The following ONECUT1 variants were observed in gnomAD, a reference collection of about 807,000 sequenced individuals.
The protein encoded by ONECUT1 is one cut homeobox 1.
A neutral mutation model predicts 25.6 loss-of-function variants in ONECUT1; 12 were observed. The observed-to-expected ratio is 0.47, with a 90% CI of 0.30 to 0.76. The LOEUF (loss-of-function observed/expected upper bound fraction) is 0.76. ONECUT1 is among the 30% of genes least tolerant of loss of function. The pLI is 0.07. For missense variants in ONECUT1, 620 were observed against 651.2 expected (o/e 0.95, Z 0.52); for synonymous variants, 285 against 270.2 (o/e 1.05, Z -0.54).
rs550465203 is a variant in ONECUT1, at chr15:52,789,215, C to T, written c.670G>A (p.Ala224Thr). 1.3e-6 allele frequency: 2 copies of T among 1,561,882 alleles called. No homozygotes were observed. The highest frequency in any genetic ancestry group is 2.3e-5 in the East Asian group (1 of 44,346). The change falls in exon 1 of 2, where the codon GCC (alanine) becomes ACC (threonine). Residue 224 changes from alanine (A) to threonine (T), a missense_variant. Physicochemically the swap from Ala to Thr is moderately conservative, Grantham distance 58. Around this residue, in one of 4 missense-constraint regions of ONECUT1, gnomAD observed 440 missense variants for 404.9 expected, o/e 1.09. Coordinates refer to ENST00000305901, the MANE Select transcript of ONECUT1 (RefSeq NM_004498.4). The surrounding 1 kb of genome is among the most constrained non-coding windows in gnomAD (Gnocchi z 4.1). ...TGCTCCCCGTGGCGGCCGAGCATGG[C>T]CGGGTGGTGGGCTTCGAAGCCGTTG... ...TPNGFEAHHPAMLGRHGEQHL... is the reference protein window; with the variant it reads ...TPNGFEAHHPTMLGRHGEQHL...
intron 1 of ONECUT1, among the ~76,000 whole-genome samples, chr15:52,787,539 T>A (rs150132346): frequency 4.0e-5 from 6 of 151,388 alleles, no homozygotes; most frequent in Non-Finnish European, 8.8e-5. Flanking sequence ...TGGAGAACGA[T>A]CAGTTAATTA....
rs544165440 is a variant in ONECUT1 at position 52,756,929 on chromosome 15, C to G, written c.*626G>C. 2.6e-5 allele frequency: 4 copies of G among 152,168 alleles called. No individual in the cohort carries two copies. In the South Asian group the frequency reaches 8.3e-4, roughly 32 times the overall value. The allele number at this position is 152,168 out of a possible 1,614,324, so 9.4% of individuals were successfully genotyped here. ...ATTTCTTAAAAAATATCTGAACATT[C>G]CTTAACAAACAAAGAGAATGCACTG... On this transcript the variant is annotated 3_prime_UTR_variant, in exon 2 of 2. Coordinates refer to ENST00000305901, the MANE Select transcript of ONECUT1 (RefSeq NM_004498.4).
At position 52,784,666 on chromosome 15, in the gene ONECUT1, G is replaced by A. The variant is rs1311651288; in HGVS notation, c.1105+4114C>T. Among the ~76,000 whole-genome samples the A allele has an allele frequency of 6.6e-6, 1 of 152,250 alleles. No individual in the cohort carries two copies. The highest frequency in any genetic ancestry group is 6.5e-5 in the Admixed American group (1 of 15,294). On this transcript the variant is annotated intron_variant, in intron 1 of 1. Coordinates refer to ENST00000305901, the MANE Select transcript of ONECUT1 (RefSeq NM_004498.4). This position sits in a 1 kb window ranked among gnomAD's most constrained non-coding sequence, Gnocchi z 5.0. ...ATGGTCCTACACCCTCGAGGGGACA[G>A]ACACCGGCCGTGAGACAGGCACCAC...
At position 52,784,098 on chromosome 15, in the gene ONECUT1, C is replaced by CGCCGCA. The variant is rs2141463233; in HGVS notation, c.1105+4676_1105+4681dup. Among the ~76,000 whole-genome samples, 1 of 152,318 alleles carries CGCCGCA rather than the reference C, an allele frequency of 6.6e-6. No individual in the cohort carries two copies. The highest frequency in any genetic ancestry group is 1.9e-4 in the East Asian group (1 of 5,186). Reference sequence around the variant, plus strand: ...GCCCCGACGGCCCGCAGGGGGCGCGCGCCGCAGCCGCAGCACAGCCCGGCT... The same window carrying CGCCGCA: ...GCCCCGACGGCCCGCAGGGGGCGCGCGCCGCAGCCGCAGCCGCAGCACAGCCCGGCT... On this transcript the variant is annotated intron_variant, in intron 1 of 1. Transcript: ENST00000305901. The surrounding 1 kb of genome is among the most constrained non-coding windows in gnomAD (Gnocchi z 5.0).
At position 52,789,827 on chromosome 15, in the gene ONECUT1, G is replaced by C. The variant is rs778655796; in HGVS notation, c.58C>G (p.Pro20Ala). ...IGELHGVSHE[P>A]VPAPADLLGG... ...AGCAGGTCGGCAGGGGCGGGCACCG[G>C]CTCATGGCTCACCCCGTGCAGCTCG... The change falls in exon 1 of 2, where the codon CCG becomes GCG. Residue 20 changes from proline (P) to alanine (A), a missense_variant. Around this residue, in one of 4 missense-constraint regions of ONECUT1, gnomAD observed 440 missense variants for 404.9 expected, o/e 1.09. Transcript: ENST00000305901. The surrounding 1 kb of genome is among the most constrained non-coding windows in gnomAD (Gnocchi z 4.1). 1.9e-5 allele frequency: 30 copies of C among 1,539,368 alleles called. No individual in the cohort carries two copies. In the African/African-American group the frequency reaches 4.1e-4, roughly 21 times the overall value.
At chr15:52,783,731 C>G (rs946073853) in intron 1 of ONECUT1, among the ~76,000 whole-genome samples, 6 of 152,260 alleles carry the variant, frequency 3.9e-5, no homozygotes, top group African/African-American at 1.4e-4. Flanking sequence ...GCCAGGGTCA[C>G]CTTCTCTACG....
intron 1 of ONECUT1, among the ~76,000 whole-genome samples, chr15:52,767,767 A>T (rs2083743346): frequency 6.6e-6 from 1 of 152,260 alleles, no homozygotes; most frequent in South Asian, 2.1e-4. Context: ...TATTCACAAT[A>T]GGCAAGATGT....
At chr15:52,785,187 G>T (rs1051343679) in intron 1 of ONECUT1, among the ~76,000 whole-genome samples, 6 of 152,252 alleles carry the variant, frequency 3.9e-5, no homozygotes, top group Admixed American at 1.3e-4. Context: ...AGAAAAGCAG[G>T]GGGACATTTG....
intron 1 of ONECUT1, among the ~76,000 whole-genome samples, chr15:52,759,027 G>A (rs1459477728): frequency 6.6e-6 from 1 of 152,186 alleles, no homozygotes; most frequent in Non-Finnish European, 1.5e-5. Context: ...CAATCAGATT[G>A]CTGCCTCTTA....
chr15:52,789,457 C>T lies in ONECUT1; in HGVS notation c.428G>A (p.Gly143Asp). ...HHPHHHQRLA[G>D]NVSGSFTLMR... The stretch of plus-strand genomic sequence containing the variant: ...GAGCGTGAAGCTACCGCTCACGTTG[C>T]CCGCCAGGCGCTGGTGGTGGTGCGG... Residue 143 changes from glycine to aspartate, a missense_variant, in exon 1 of 2, where the codon GGC (glycine) becomes GAC (aspartate). Gly to Asp is a moderately conservative substitution (Grantham distance 94). Transcript: ENST00000305901. This position sits in a 1 kb window ranked among gnomAD's most constrained non-coding sequence, Gnocchi z 4.1. 2 of 1,613,674 alleles carry T rather than the reference C, an allele frequency of 1.2e-6. No individual in the cohort carries two copies. Among genetic ancestry groups the T allele is most frequent in the South Asian group, 1.1e-5 (1 of 91,064 alleles).
Position 52,784,254 on chromosome 15 carries a change from G to C in ONECUT1, c.1105+4526C>G, listed in dbSNP as rs539883741. Reference sequence around the variant, plus strand: ...ACACAACCGTGCTATTGTTGGCACTGTCCGACCCAAGTGTCGGTGGTAAGC... The same window carrying C: ...ACACAACCGTGCTATTGTTGGCACTCTCCGACCCAAGTGTCGGTGGTAAGC... On this transcript the variant is annotated intron_variant, in intron 1 of 1. Coordinates refer to ENST00000305901, the MANE Select transcript of ONECUT1 (RefSeq NM_004498.4). The surrounding 1 kb of genome is among the most constrained non-coding windows in gnomAD (Gnocchi z 5.0). 1.3e-5 allele frequency among the ~76,000 whole-genome samples: 2 copies of C among 152,220 alleles called. No homozygotes were observed. The highest frequency in any genetic ancestry group is 4.1e-4 in the South Asian group (2 of 4,828).
intron 1 of ONECUT1, among the ~76,000 whole-genome samples, chr15:52,782,479 A>G (rs909083825): frequency 2.0e-5 from 3 of 152,230 alleles, no homozygotes; most frequent in Non-Finnish European, 4.4e-5. Flanking sequence ...CACATAAGAA[A>G]TATTTTTCTT....
rs143037465 is a variant in ONECUT1, at chr15:52,788,932, C to T, written c.953G>A (p.Arg318Lys). The T allele has an allele frequency of 8.1e-6, 13 of 1,613,912 alleles. No homozygotes were observed. The highest frequency in any genetic ancestry group is 1.3e-5 in the African/African-American group (1 of 74,932). Residue 318 changes from arginine to lysine, a missense_variant, in exon 1 of 2, where the codon AGG becomes AAG. Transcript: ENST00000305901. This position sits in a 1 kb window ranked among gnomAD's most constrained non-coding sequence, Gnocchi z 4.3. ...GGTCCCCTGGGAGCGGCAGAGCACC[C>T]TCTGCGCGAAGATGGCCTGTGGGAT... is the stretch of plus-strand genomic sequence containing the variant. Reference protein sequence around the residue: ...YSIPQAIFAQRVLCRSQGTLS... With the variant: ...YSIPQAIFAQKVLCRSQGTLS...
At chr15:52,778,955 T>A (rs1442905998) in intron 1 of ONECUT1, among the ~76,000 whole-genome samples, 1 of 151,946 alleles carries the variant, frequency 6.6e-6, no homozygotes, top group Non-Finnish European at 1.5e-5. Context: ...TACAGAAATC[T>A]TCCTCTGGGG....
Position 52,790,101 on chromosome 15 carries a change from TACCCCCC to T in ONECUT1, c.-224_-218del, listed in dbSNP as rs1322407026. ...TGTGTGTGTGTCTCGCCTTCCCTCT[TACCCCCC>T]ACCTTCCCCTCTGCGTCCTCGGCTT... On this transcript the variant is annotated 5_prime_UTR_variant, in exon 1 of 2. Transcript: ENST00000305901. 10 of 578,020 alleles carry T rather than the reference TACCCCCC, an allele frequency of 1.7e-5. No individual in the cohort carries two copies. In the South Asian group the frequency reaches 7.2e-4, roughly 42 times the overall value. The allele number at this position is 578,020 out of a possible 1,614,324, so 35.8% of individuals were successfully genotyped here.
intron 1 of ONECUT1, among the ~76,000 whole-genome samples, chr15:52,770,082 G>A (rs1337646836): frequency 4.6e-5 from 7 of 152,152 alleles, no homozygotes; most frequent in African/African-American, 1.7e-4. Flanking sequence ...TTTTGAGTAG[G>A]ACCTCTGGCT....
intron 1 of ONECUT1, among the ~76,000 whole-genome samples, chr15:52,772,857 A>C (rs2083777012): frequency 6.6e-6 from 1 of 152,176 alleles, no homozygotes; most frequent in South Asian, 2.1e-4. Context: ...AGGATGTTTA[A>C]AGTGTTATTT....
chr15:52,764,056 G>A (rs2141448204), intron 1 of ONECUT1, among the ~76,000 whole-genome samples: 1 of 152,264 alleles, frequency 6.6e-6, no homozygotes, highest in Non-Finnish European at 1.5e-5. Flanking sequence ...TGTCACTCAA[G>A]CATTTGTATA....
At position 52,755,274 on chromosome 15, in the gene ONECUT1, G is replaced by C. The variant is rs1165277664; in HGVS notation, c.*2281C>G. Among the ~76,000 whole-genome samples the C allele has an allele frequency of 6.6e-6, 1 of 152,140 alleles. No individual in the cohort carries two copies. The highest frequency in any genetic ancestry group is 1.9e-4 in the East Asian group (1 of 5,204). ...CCGGCTCCCTCCATCCCTGGAGAGA[G>C]AGAAAATGTTAATCAGTTTTTTCCT... On this transcript the variant is annotated 3_prime_UTR_variant, in exon 2 of 2. Coordinates refer to ENST00000305901, the MANE Select transcript of ONECUT1 (RefSeq NM_004498.4).
Sources: allele counts gnomAD v4.1 joint callset (sites outside exome capture counted in the v4.1 genomes callset), GRCh38; gene constraint gnomAD v4.1.1; regional missense constraint gnomAD v4.1.1; non-coding constraint Gnocchi (gnomAD v3.1); transcripts MANE v1.5; gene names NCBI Gene and HGNC (gene_info 2026-07-23, HGNC 2026-07-21).